The following AGPAT4 variants were observed in gnomAD, a reference collection of about 807,000 sequenced individuals.
The protein encoded by AGPAT4 is 1-acyl-sn-glycerol-3-phosphate acyltransferase delta.
A neutral mutation model predicts 48.0 loss-of-function variants in AGPAT4; 15 were observed. The observed-to-expected ratio is 0.31, with a 90% CI of 0.21 to 0.48. The LOEUF is 0.48. Among genes scored for constraint, AGPAT4 ranks in the 20% least tolerant of loss-of-function variants. The pLI, the probability that AGPAT4 is intolerant of heterozygous loss-of-function variation, is 0.99. For synonymous variants in AGPAT4, 178 were observed against 198.7 expected (o/e 0.90, Z 0.88); for missense variants, 314 against 482.5 (o/e 0.65, Z 3.27).
rs1463090529 is a variant in AGPAT4, at chr6:161,238,742, T to C, written c.-89-6440A>G. On this transcript the variant is annotated intron_variant, in intron 1 of 8. Transcript: ENST00000320285. This position sits in a 1 kb window ranked among gnomAD's most constrained non-coding sequence, Gnocchi z 5.2. Reference sequence around the variant, plus strand: ...GTCGTGGGAGGGAACCAGTGGGAGGTAACTGAATCATGGGAGTGGTTACCC... The same window carrying C: ...GTCGTGGGAGGGAACCAGTGGGAGGCAACTGAATCATGGGAGTGGTTACCC... Among the ~76,000 whole-genome samples the C allele has an allele frequency of 6.6e-6, 1 of 152,142 alleles. No individual in the cohort carries two copies. The highest frequency in any genetic ancestry group is 1.5e-5 in the Non-Finnish European group (1 of 68,012).
At chr6:161,227,771 C>T (rs1486721745) in intron 2 of AGPAT4, among the ~76,000 whole-genome samples, 1 of 152,200 alleles carries the variant, frequency 6.6e-6, no homozygotes, top group Non-Finnish European at 1.5e-5. Flanking sequence ...ATCATTTTCA[C>T]CACTACACGC....
At position 161,166,544 on chromosome 6, in the gene AGPAT4, T is replaced by C; in HGVS notation, c.179-127A>G. 2.7e-6 allele frequency: 3 copies of C among 1,099,204 alleles called. No individual in the cohort carries two copies. The highest frequency in any genetic ancestry group is 2.6e-5 in the East Asian group (1 of 38,638). The allele number at this position is 1,099,204 out of a possible 1,614,324, so 68.1% of individuals were successfully genotyped here. ...CTTCTACGGGCAAAGTTCTGGATCG[T>C]TGCAGCACAGACCTTGGTCCTTGAA... On this transcript the variant is annotated intron_variant, in intron 2 of 8. Coordinates refer to ENST00000320285, the MANE Select transcript of AGPAT4 (RefSeq NM_020133.3). This position sits in a 1 kb window ranked among gnomAD's most constrained non-coding sequence, Gnocchi z 6.7.
chr6:161,268,334 T>C (rs1375596274), intron 1 of AGPAT4, among the ~76,000 whole-genome samples: 3 of 152,168 alleles, frequency 2.0e-5, no homozygotes, highest in Non-Finnish European at 4.4e-5. Context: ...TACAAGAATT[T>C]CTTTTCTCTT....
rs935241351 is a variant in AGPAT4, at chr6:161,225,741, A to C, written c.178+6295T>G. Among the ~76,000 whole-genome samples the C allele has an allele frequency of 2.0e-5, 3 of 152,164 alleles. No homozygotes were observed. Among genetic ancestry groups the C allele is most frequent in the Non-Finnish European group, 2.9e-5 (2 of 68,026 alleles). The stretch of plus-strand genomic sequence containing the variant: ...TGCAGCGTGGACACACTTCAGAAGT[A>C]AAAGGTACCCGCAGGTGACAGAGGA... On this transcript the variant is annotated intron_variant, in intron 2 of 8. Coordinates refer to ENST00000320285, the MANE Select transcript of AGPAT4 (RefSeq NM_020133.3). This position sits in a 1 kb window ranked among gnomAD's most constrained non-coding sequence, Gnocchi z 5.0.
At position 161,130,715 on chromosome 6, in the gene AGPAT4, G is replaced by A; in HGVS notation, c.*5825C>T. The A allele has an allele frequency of 2.7e-6, 1 of 374,364 alleles. No homozygotes were observed. Among genetic ancestry groups the A allele is most frequent in the South Asian group, 2.1e-5 (1 of 47,446 alleles). The allele number at this position is 374,364 out of a possible 1,614,324, so 23.2% of individuals were successfully genotyped here. ...GGCCTGGGCCAGCCTTGCTGTGTTT[G>A]CCTCAGATGCGAGTAAGGAAGCTCC... is the stretch of plus-strand genomic sequence containing the variant. On this transcript the variant is annotated 3_prime_UTR_variant, in exon 9 of 9. Coordinates refer to ENST00000320285, the MANE Select transcript of AGPAT4 (RefSeq NM_020133.3).
At position 161,232,599 on chromosome 6, in the gene AGPAT4, C is replaced by G. The variant is rs1023507869; in HGVS notation, c.-89-297G>C. ...CCACTCGGCCAGGGTTCACCGCTCC[C>G]CAGCTGGGCAGCAGCTGAGCCAGCC... On this transcript the variant is annotated intron_variant, in intron 1 of 8. Transcript: ENST00000320285. This position sits in a 1 kb window ranked among gnomAD's most constrained non-coding sequence, Gnocchi z 6.8. 6.6e-6 allele frequency among the ~76,000 whole-genome samples: 1 copy of G among 152,186 alleles called. No individual in the cohort carries two copies.
intron 2 of AGPAT4, among the ~76,000 whole-genome samples, chr6:161,173,537 G>T (rs1164480075): frequency 6.6e-6 from 1 of 152,164 alleles, no homozygotes; most frequent in Non-Finnish European, 1.5e-5. Flanking sequence ...GTAGATTCTG[G>T]ATATTAGCCC....
intron 5 of AGPAT4, 33 bp downstream of exon 5, chr6:161,153,313 C>G: frequency 6.3e-7 from 1 of 1,583,124 alleles, no homozygotes; most frequent in Non-Finnish European, 8.6e-7. Flanking sequence ...CTCGCTGCCA[C>G]GGGGAGGCCC....
chr6:161,195,566 A>G lies in AGPAT4; in HGVS notation c.179-29149T>C, dbSNP rs1781046192. Among the ~76,000 whole-genome samples the G allele has an allele frequency of 1.3e-5, 2 of 152,236 alleles. No homozygotes were observed. Among genetic ancestry groups the G allele is most frequent in the Non-Finnish European group, 2.9e-5 (2 of 68,038 alleles). On this transcript the variant is annotated intron_variant, in intron 2 of 8. Transcript: ENST00000320285. The surrounding 1 kb of genome is among the most constrained non-coding windows in gnomAD (Gnocchi z 5.0). ...ATGTAACAGTTCACTCAGCAAGCCC[A>G]TGATGCCTGTAGTATAAAAGCAAAT...
chr6:161,222,699 G>A lies in AGPAT4; in HGVS notation c.178+9337C>T, dbSNP rs1781866249. ...GTCACAATTATTGAAATTTCTGAGG[G>A]ATGGATACTTGGAGCCCATCTAGTG... On this transcript the variant is annotated intron_variant, in intron 2 of 8. Transcript: ENST00000320285. The surrounding 1 kb of genome is among the most constrained non-coding windows in gnomAD (Gnocchi z 5.9). Among the ~76,000 whole-genome samples, 1 of 152,136 alleles carries A rather than the reference G, an allele frequency of 6.6e-6. No individual in the cohort carries two copies. The highest frequency in any genetic ancestry group is 1.5e-5 in the Non-Finnish European group (1 of 68,032).
At position 161,272,705 on chromosome 6, in the gene AGPAT4, A is replaced by AACAC. The variant is rs3043142; in HGVS notation, c.-90+1229_-90+1232dup. ...TCCCTGCCCGCCTCCCATTTCCCTAAACACACACACACACACACACACACA... is the reference window on the plus strand; with the variant it reads ...TCCCTGCCCGCCTCCCATTTCCCTAAACACACACACACACACACACACACACACA... On this transcript the variant is annotated intron_variant, in intron 1 of 8. Coordinates refer to ENST00000320285, the MANE Select transcript of AGPAT4 (RefSeq NM_020133.3). This position sits in a 1 kb window ranked among gnomAD's most constrained non-coding sequence, Gnocchi z 4.2. Among the ~76,000 whole-genome samples, 9,136 of 147,132 alleles carry AACAC rather than the reference A, an allele frequency of 0.062. 345 individuals are homozygous for AACAC. The highest frequency in any genetic ancestry group is 0.22 in the East Asian group (1,080 of 5,000).
rs1351211793 is a variant in AGPAT4, at chr6:161,200,512, T to A, written c.178+31524A>T. Among the ~76,000 whole-genome samples the A allele has an allele frequency of 6.6e-6, 1 of 152,202 alleles. No homozygotes were observed. On this transcript the variant is annotated intron_variant, in intron 2 of 8. Coordinates refer to ENST00000320285, the MANE Select transcript of AGPAT4 (RefSeq NM_020133.3). The surrounding 1 kb of genome is among the most constrained non-coding windows in gnomAD (Gnocchi z 5.5). ...ATTTCCACCCAGTATCTAATCATAG[T>A]TGGTCTGGACAAGGGGAAAAACAGT...
In AGPAT4 at chr6:161,149,406, G is replaced by A. The variant is rs1779526117; in HGVS notation, c.665-117C>T. On this transcript the variant is annotated intron_variant, in intron 5 of 8. Coordinates refer to ENST00000320285, the MANE Select transcript of AGPAT4 (RefSeq NM_020133.3). The surrounding 1 kb of genome is among the most constrained non-coding windows in gnomAD (Gnocchi z 6.5). Reference sequence around the variant, plus strand: ...GGCTAACTGCTTATCTAGAAATGGTGTGGTCAGATTTCTTTCTTTCTATAT... The same window carrying A: ...GGCTAACTGCTTATCTAGAAATGGTATGGTCAGATTTCTTTCTTTCTATAT... The A allele has an allele frequency of 3.5e-6, 3 of 848,632 alleles. No individual in the cohort carries two copies. Among genetic ancestry groups the A allele is most frequent in the Non-Finnish European group, 5.2e-6 (3 of 575,218 alleles). 52.6% of individuals were successfully genotyped at this position (848,632 alleles called of 1,614,324 possible).
At position 161,220,828 on chromosome 6, in the gene AGPAT4, G is replaced by C. The variant is rs1781815504; in HGVS notation, c.178+11208C>G. 6.6e-6 allele frequency among the ~76,000 whole-genome samples: 1 copy of C among 152,098 alleles called. No individual in the cohort carries two copies. On this transcript the variant is annotated intron_variant, in intron 2 of 8. Coordinates refer to ENST00000320285, the MANE Select transcript of AGPAT4 (RefSeq NM_020133.3). The surrounding 1 kb of genome is among the most constrained non-coding windows in gnomAD (Gnocchi z 6.0). ...AGACAGAGTCTCACTCTGTCACCCA[G>C]GCTGGAGTGCAGTGGTGCAATCTCG...
rs1583272848 is a variant in AGPAT4 at position 161,139,359 on chromosome 6, C to T, written c.1042+63G>A. 5 of 1,577,872 alleles carry T rather than the reference C, an allele frequency of 3.2e-6. No individual in the cohort carries two copies. In the East Asian group the frequency reaches 9.0e-5, roughly 28 times the overall value. ...CTATACAGATGGCCTTCGTCCCAGCCCTGATGCCACCTCTCCCAGGGTGGT... is the reference window on the plus strand; with the variant it reads ...CTATACAGATGGCCTTCGTCCCAGCTCTGATGCCACCTCTCCCAGGGTGGT... On this transcript the variant is annotated intron_variant, in intron 8 of 8. Transcript: ENST00000320285. The surrounding 1 kb of genome is among the most constrained non-coding windows in gnomAD (Gnocchi z 9.1).
rs1487912571 is a variant in AGPAT4, at chr6:161,254,082, T to C, written c.-90+19856A>G. ...GGGTTAGTGAGATAATAGGAAATAC[T>C]CATTTTCTTCTTTATGCTTCTCTGT... is the stretch of plus-strand genomic sequence containing the variant. On this transcript the variant is annotated intron_variant, in intron 1 of 8. Coordinates refer to ENST00000320285, the MANE Select transcript of AGPAT4 (RefSeq NM_020133.3). The surrounding 1 kb of genome is among the most constrained non-coding windows in gnomAD (Gnocchi z 5.9). Among the ~76,000 whole-genome samples the C allele has an allele frequency of 6.6e-6, 1 of 152,236 alleles. No individual in the cohort carries two copies. The highest frequency in any genetic ancestry group is 1.5e-5 in the Non-Finnish European group (1 of 68,038).
rs761569245 is a variant in AGPAT4, at chr6:161,141,556, AG to A, written c.844-1937del. Among the ~76,000 whole-genome samples the A allele has an allele frequency of 6.6e-6, 1 of 151,902 alleles. No homozygotes were observed. The highest frequency in any genetic ancestry group is 2.4e-5 in the African/African-American group (1 of 41,306). ...CCACAGGGCACCTGATAACTAGACAAGGGGGGTGATATTTTTGTGCCTTGTT... is the reference window on the plus strand; with the variant it reads ...CCACAGGGCACCTGATAACTAGACAAGGGGGTGATATTTTTGTGCCTTGTT... On this transcript the variant is annotated intron_variant, in intron 7 of 8. Transcript: ENST00000320285. The surrounding 1 kb of genome is among the most constrained non-coding windows in gnomAD (Gnocchi z 6.7).
chr6:161,186,719 C>T (rs1327539408), intron 2 of AGPAT4, among the ~76,000 whole-genome samples: 1 of 152,046 alleles, frequency 6.6e-6, no homozygotes, highest in Non-Finnish European at 1.5e-5. Context: ...CCTCTCCTTC[C>T]CCCACTTCTC....
At chr6:161,248,454 G>A (rs778639304) in intron 1 of AGPAT4, among the ~76,000 whole-genome samples, 21 of 151,588 alleles carry the variant, frequency 1.4e-4, no homozygotes, top group Non-Finnish European at 2.5e-4. Flanking sequence ...GGCCCCTGTA[G>A]TCCCAGCTCC....
Sources: allele counts gnomAD v4.1 joint callset (sites outside exome capture counted in the v4.1 genomes callset), GRCh38; gene constraint gnomAD v4.1.1; non-coding constraint Gnocchi (gnomAD v3.1); transcripts MANE v1.5; gene names NCBI Gene and HGNC (gene_info 2026-07-23, HGNC 2026-07-21).